LONRF1: variants seen among roughly 807,000 people sequenced by gnomAD.
LONRF1 encodes LON peptidase N-terminal domain and RING finger protein 1.
In LONRF1, 37 loss-of-function variants were observed where a neutral mutation model predicts 85.8. That is an observed-to-expected ratio of 0.43 (90% CI 0.33 to 0.57). The LOEUF is 0.57. Ranked by LOEUF, LONRF1 falls within the 20% of genes least tolerant of loss-of-function variation. LONRF1 has a pLI of 0.04. For synonymous variants in LONRF1, 517 were observed against 390.1 expected (o/e 1.33, Z -3.83); for missense variants, 1,036 against 978.0 (o/e 1.06, Z -0.79).
At chr8:12,732,002 A>G in intron 7 of LONRF1, 145 bp from the exon 8 acceptor site, 1 of 796,854 alleles carries the variant, frequency 1.3e-6, no homozygotes. Context: ...ATTACAATGG[A>G]TGATGCTAAG....
chr8:12,725,569 A>G (rs1798264566), intron 11 of LONRF1, among the ~76,000 whole-genome samples, 158 bp downstream of exon 11: 1 of 152,158 alleles, frequency 6.6e-6, no homozygotes, highest in African/African-American at 2.4e-5. Context: ...ACTGCTCTAG[A>G]GAACTCATGA....
Position 12,723,038 on chromosome 8 carries a change from A to G in LONRF1, c.*58T>C. ...ACTAGATGTGCAAAGGCAGCAGACA[A>G]TCTGGCCATCAATGCAGCCAGATTA... On this transcript the variant is annotated 3_prime_UTR_variant, in exon 12 of 12. Coordinates refer to ENST00000398246, the MANE Select transcript of LONRF1 (RefSeq NM_152271.5). The G allele has an allele frequency of 6.8e-7, 1 of 1,459,936 alleles. No homozygotes were observed. 90.4% of individuals were successfully genotyped at this position (1,459,936 alleles called of 1,614,324 possible).
chr8:12,737,113 C>G lies in LONRF1; in HGVS notation c.1141G>C (p.Glu381Gln). 6.2e-7 allele frequency: 1 copy of G among 1,612,734 alleles called. No homozygotes were observed. Among genetic ancestry groups the G allele is most frequent in the East Asian group, 2.2e-5 (1 of 44,866 alleles). Residue 381 changes from glutamate (E) to glutamine (Q), a missense_variant, in exon 5 of 12, where the codon GAG becomes CAG. Around this residue, in one of 3 missense-constraint regions of LONRF1, gnomAD observed 742 missense variants for 614.4 expected, o/e 1.21. Transcript: ENST00000398246. ...QSEEIPEVTS[E>Q]PVKGSLNRAQ... ...CGGTTTAAGCTTCCTTTGACAGGCT[C>G]TGAAGTGACCTCTGGTATTTCTTCA...
intron 7 of LONRF1, among the ~76,000 whole-genome samples, chr8:12,733,251 T>C (rs1455281976): frequency 6.6e-6 from 1 of 152,222 alleles, no homozygotes; most frequent in East Asian, 1.9e-4. Flanking sequence ...ATTATCATTT[T>C]CTATTAAGTT....
chr8:12,746,906 A>G (rs1031946791), intron 1 of LONRF1, among the ~76,000 whole-genome samples: 1 of 152,222 alleles, frequency 6.6e-6, no homozygotes, highest in Non-Finnish European at 1.5e-5. Context: ...TAATCGGTGC[A>G]TAGTACTTAG....
chr8:12,753,783 G>C (rs1227991081), intron 1 of LONRF1: 1 of 152,188 alleles, frequency 6.6e-6, no homozygotes, highest in East Asian at 1.9e-4. Flanking sequence ...AGGAGGCCGA[G>C]GCTGCTTCTT....
At chr8:12,727,014 AG>A (rs1798335562) in intron 10 of LONRF1, among the ~76,000 whole-genome samples, 1 of 151,944 alleles carries the variant, frequency 6.6e-6, no homozygotes, top group South Asian at 2.1e-4. Context: ...AAGGTAGAGG[AG>A]CCACACAATT....
At chr8:12,751,296 G>GTTTTTTTTTTT (rs869038024) in intron 1 of LONRF1, among the ~76,000 whole-genome samples, 12 of 69,534 alleles carry the variant, frequency 1.7e-4, no homozygotes, top group Non-Finnish European at 2.8e-4. Flanking sequence ...TTATTTTTAT[G>GTTTTTTTTTTT]TTTTTTTTTT....
intron 1 of LONRF1, among the ~76,000 whole-genome samples, chr8:12,748,427 G>A (rs560297761): frequency 6.6e-6 from 1 of 152,194 alleles, no homozygotes; most frequent in South Asian, 2.1e-4. Context: ...AAACTCTTGG[G>A]CTCAAGTGGT....
In LONRF1 at chr8:12,723,008, C is replaced by T; in HGVS notation, c.*88G>A. On this transcript the variant is annotated 3_prime_UTR_variant, in exon 12 of 12. Coordinates refer to ENST00000398246, the MANE Select transcript of LONRF1 (RefSeq NM_152271.5). ...GAAAAGTTTCATTAAATTTCTGAAACCAGCACTAGATGTGCAAAGGCAGCA... is the reference window on the plus strand; with the variant it reads ...GAAAAGTTTCATTAAATTTCTGAAATCAGCACTAGATGTGCAAAGGCAGCA... 8.0e-7 allele frequency: 1 copy of T among 1,247,882 alleles called. No individual in the cohort carries two copies. Among genetic ancestry groups the T allele is most frequent in the Non-Finnish European group, 1.1e-6 (1 of 915,396 alleles). The allele number at this position is 1,247,882 out of a possible 1,614,324, so 77.3% of individuals were successfully genotyped here.
intron 10 of LONRF1, 91 bp downstream of exon 10, chr8:12,728,810 G>C (rs1257808871): frequency 2.1e-6 from 3 of 1,431,754 alleles, no homozygotes; most frequent in Non-Finnish European, 2.9e-6. Context: ...ATAAGAACTG[G>C]TTCATGCACC....
chr8:12,723,100 T>C lies in LONRF1; in HGVS notation c.2318A>G (p.Lys773Arg), dbSNP rs759651376. The C allele has an allele frequency of 1.2e-6, 2 of 1,609,816 alleles. No individual in the cohort carries two copies. Among genetic ancestry groups the C allele is most frequent in the African/African-American group, 1.3e-5 (1 of 74,792 alleles). ...AAGGGAGATCCAAAGAGTTAGTTAC[T>C]TAGATTGGTCTCTAGAAAAATAGGT... ...ILTYFSRDQSK is the reference protein window; with the variant it reads ...ILTYFSRDQSR The change falls in exon 12 of 12, where the codon AAG becomes AGG. Residue 773 changes from lysine (K) to arginine (R), a missense_variant. This residue lies in a region of LONRF1 where 265 missense variants were observed against 301.5 expected (regional missense o/e 0.88). Coordinates refer to ENST00000398246, the MANE Select transcript of LONRF1 (RefSeq NM_152271.5).
At chr8:12,730,907 T>C (rs1798504331) in intron 8 of LONRF1, among the ~76,000 whole-genome samples, 2 of 152,136 alleles carry the variant, frequency 1.3e-5, no homozygotes. Flanking sequence ...TGAAAATCAA[T>C]GGAAACAAAA....
chr8:12,739,081 ATAAAT>A lies in LONRF1; in HGVS notation c.964-942_964-938del, dbSNP rs565590172. Among the ~76,000 whole-genome samples, 1,093 of 152,252 alleles carry A rather than the reference ATAAAT, an allele frequency of 7.2e-3. 12 individuals carry two copies. The highest frequency in any genetic ancestry group is 0.025 in the African/African-American group (1,020 of 41,552). On this transcript the variant is annotated intron_variant, in intron 3 of 11. Coordinates refer to ENST00000398246, the MANE Select transcript of LONRF1 (RefSeq NM_152271.5). Reference sequence around the variant, plus strand: ...ATTTACATTTCCTCTGTTTTAAAAAATAAATTAAACACACATCCACCCTAGAACCC... The same window carrying A: ...ATTTACATTTCCTCTGTTTTAAAAAATAAACACACATCCACCCTAGAACCC...
Position 12,755,228 on chromosome 8 carries a change from T to A in LONRF1, c.193A>T (p.Lys65Ter). 8.0e-7 allele frequency: 1 copy of A among 1,244,232 alleles called. No homozygotes were observed. Among genetic ancestry groups the A allele is most frequent in the Non-Finnish European group, 1.0e-6 (1 of 997,612 alleles). The allele number at this position is 1,244,232 out of a possible 1,614,324, so 77.1% of individuals were successfully genotyped here. Residue 65 changes from lysine to a stop codon, truncating the protein, a stop_gained, in exon 1 of 12, where the codon AAG (lysine) becomes TAG (stop). Transcript: ENST00000398246. LOFTEE classifies it high-confidence loss of function. ...GELLALGGHL[K>*]GALEAFAAAL... ...GCCGCGAACGCCTCCAGCGCGCCCT[T>A]CAGGTGGCCGCCCAGCGCCAGCAGC... is the stretch of plus-strand genomic sequence containing the variant.
In LONRF1 at chr8:12,723,078, G is replaced by T. The variant is rs1298867227; in HGVS notation, c.*18C>A. On this transcript the variant is annotated 3_prime_UTR_variant, in exon 12 of 12. Transcript: ENST00000398246. ...CAGCCAGATTAGGGTCACTTTAAAG[G>T]GAGATCCAAAGAGTTAGTTACTTAG... The T allele has an allele frequency of 6.3e-7, 1 of 1,597,460 alleles. No homozygotes were observed. The highest frequency in any genetic ancestry group is 8.5e-7 in the Non-Finnish European group (1 of 1,171,256).
At chr8:12,739,477 G>A (rs1798847347) in intron 3 of LONRF1, among the ~76,000 whole-genome samples, 1 of 152,126 alleles carries the variant, frequency 6.6e-6, no homozygotes, top group Non-Finnish European at 1.5e-5. Context: ...AGGAGCAGGG[G>A]ATGGAGGATT....
At chr8:12,741,091 T>C (rs1798916464) in intron 2 of LONRF1, 95 bp from the exon 3 acceptor site, 1 of 1,436,598 alleles carries the variant, frequency 7.0e-7, no homozygotes, top group Admixed American at 1.9e-5. Flanking sequence ...TGCTCAGCAG[T>C]GCCGATTCTG....
chr8:12,725,491 T>A (rs1320721936), intron 11 of LONRF1, among the ~76,000 whole-genome samples: 2 of 152,160 alleles, frequency 1.3e-5, no homozygotes, highest in Non-Finnish European at 2.9e-5. Context: ...TTTCTGGCAC[T>A]CTCTCCTACA....
Sources: gnomAD v4.1 joint callset for allele counts (sites outside exome capture counted in the v4.1 genomes callset) on GRCh38, gnomAD v4.1.1 for gene constraint, gnomAD v4.1.1 regional missense constraint, MANE v1.5 for transcripts, NCBI Gene and HGNC (gene_info 2026-07-23, HGNC 2026-07-21) for gene names.